The following APBB2 variants were observed in gnomAD, a reference collection of about 807,000 sequenced individuals.
The protein encoded by APBB2 is amyloid beta precursor protein binding family B member 2, also known as Fe65-like 1.
In APBB2, 38 loss-of-function variants were observed where a neutral mutation model predicts 82.5. That is an observed-to-expected ratio of 0.46 (90% confidence interval 0.36 to 0.60). APBB2 has a LOEUF of 0.60. APBB2 is among the 20% of genes least tolerant of loss of function. The probability of loss-of-function intolerance (pLI) is 0.00; values close to 1 mark genes in which losing one functional copy is unlikely to be tolerated. For missense variants in APBB2, 772 were observed against 972.3 expected (o/e 0.79, Z 2.74); for synonymous variants, 341 against 368.2 (o/e 0.93, Z 0.85).
intron 12 of APBB2, among the ~76,000 whole-genome samples, chr4:40,841,710 CCT>C (rs1755871004): frequency 6.6e-6 from 1 of 151,806 alleles, no homozygotes; most frequent in African/African-American, 2.4e-5. Context: ...ACAGAGTATC[CCT>C]CTGTCACCCT....
chr4:41,155,552 A>G (rs1461534567), intron 1 of APBB2, among the ~76,000 whole-genome samples: 2 of 152,204 alleles, frequency 1.3e-5, no homozygotes, highest in African/African-American at 4.8e-5. Context: ...CAATAAAATA[A>G]AGAAGGAAGG....
intron 14 of APBB2, 29 bp from the exon 15 acceptor site, chr4:40,825,999 C>T (rs765648986): frequency 1.3e-6 from 2 of 1,569,342 alleles, no homozygotes; most frequent in Non-Finnish European, 1.8e-6. Flanking sequence ...ACACATCTTT[C>T]TCAGTGGTTC....
intron 10 of APBB2, among the ~76,000 whole-genome samples, chr4:40,893,916 G>A (rs1364519130): frequency 6.6e-6 from 1 of 152,126 alleles, no homozygotes; most frequent in Non-Finnish European, 1.5e-5. Context: ...GGAGGTTGCA[G>A]TGAACCAAGT....
At chr4:40,923,850 G>T (rs1781946636) in intron 10 of APBB2, among the ~76,000 whole-genome samples, 1 of 152,240 alleles carries the variant, frequency 6.6e-6, no homozygotes, top group African/African-American at 2.4e-5. Flanking sequence ...CAAGTGTAGT[G>T]ACCAGAAGTT....
chr4:41,074,865 C>A (rs1024220806), intron 3 of APBB2, among the ~76,000 whole-genome samples: 1 of 152,056 alleles, frequency 6.6e-6, no homozygotes, highest in Non-Finnish European at 1.5e-5. Flanking sequence ...GAAATTAGAT[C>A]AGGCCCAGCA....
intron 2 of APBB2, among the ~76,000 whole-genome samples, chr4:41,108,873 T>C (rs942251420): frequency 6.6e-6 from 1 of 152,218 alleles, no homozygotes; most frequent in African/African-American, 2.4e-5. Context: ...CTTCCTCTTT[T>C]GCTTCTCTTC....
intron 12 of APBB2, among the ~76,000 whole-genome samples, chr4:40,869,677 G>A (rs1254753980): frequency 6.6e-6 from 1 of 151,740 alleles, no homozygotes; most frequent in Non-Finnish European, 1.5e-5. Flanking sequence ...TTTAGATTCT[G>A]AAGGCAGACA....
intron 6 of APBB2, among the ~76,000 whole-genome samples, chr4:40,962,573 C>T (rs755635405): frequency 5.3e-5 from 8 of 152,160 alleles, no homozygotes; most frequent in Non-Finnish European, 8.8e-5. Context: ...GCAAACATGT[C>T]CCATACGTCA....
At chr4:40,940,013 G>A (rs1467558928) in intron 7 of APBB2, among the ~76,000 whole-genome samples, 1 of 152,166 alleles carries the variant, frequency 6.6e-6, no homozygotes, top group African/African-American at 2.4e-5. Flanking sequence ...TCAACTAACA[G>A]CTTCCTTGGC....
At chr4:41,204,339 A>C (rs549511135) in intron 1 of APBB2, among the ~76,000 whole-genome samples, 1 of 152,314 alleles carries the variant, frequency 6.6e-6, no homozygotes, top group Admixed American at 6.5e-5. Context: ...GTAGAAACAG[A>C]AAGAGACCAG....
At chr4:40,821,749 G>A in intron 17 of APBB2, 122 bp downstream of exon 17, 1 of 1,155,440 alleles carries the variant, frequency 8.7e-7, no homozygotes, top group Non-Finnish European at 1.2e-6. Flanking sequence ...GCGTTATAAA[G>A]TAAAGCATTA....
intron 12 of APBB2, among the ~76,000 whole-genome samples, chr4:40,878,143 T>C (rs965570476): frequency 2.6e-5 from 4 of 150,978 alleles, no homozygotes; most frequent in Non-Finnish European, 5.9e-5. Flanking sequence ...GGCCAGGAGT[T>C]CAACACCAGC....
intron 3 of APBB2, among the ~76,000 whole-genome samples, chr4:41,086,419 A>C (rs1739689607): frequency 6.6e-6 from 1 of 152,190 alleles, no homozygotes; most frequent in Non-Finnish European, 1.5e-5. Flanking sequence ...TCATTAGCAG[A>C]AGACTACTAA....
At chr4:40,994,746 G>A (rs1299260025) in intron 6 of APBB2, among the ~76,000 whole-genome samples, 3 of 151,218 alleles carry the variant, frequency 2.0e-5, no homozygotes, top group Admixed American at 6.6e-5. Flanking sequence ...CCTGGGAGGC[G>A]GAGGTAGCAG....
At chr4:41,055,068 C>T (rs1727368683) in intron 4 of APBB2, among the ~76,000 whole-genome samples, 1 of 152,214 alleles carries the variant, frequency 6.6e-6, no homozygotes, top group African/African-American at 2.4e-5. Context: ...CAGGTCCCAC[C>T]ACACTTGCTA....
chr4:41,207,361 G>A (rs1048799302), intron 1 of APBB2, among the ~76,000 whole-genome samples: 4 of 152,136 alleles, frequency 2.6e-5, no homozygotes, highest in Admixed American at 2.0e-4. Flanking sequence ...TCACCCTGGA[G>A]GGAATGATAC....
intron 6 of APBB2, among the ~76,000 whole-genome samples, chr4:40,977,318 GT>G (rs60943146): frequency 0.018 from 2,658 of 145,308 alleles, 74 homozygotes; most frequent in African/African-American, 0.061. Flanking sequence ...CAATATAGTT[GT>G]TTTTTTTTTT....
chr4:41,047,957 A>C (rs1475442346), intron 4 of APBB2, among the ~76,000 whole-genome samples: 1 of 152,132 alleles, frequency 6.6e-6, no homozygotes, highest in Non-Finnish European at 1.5e-5. Flanking sequence ...ACATTCTCTA[A>C]ATCTCTTTTA....
chr4:40,855,097 C>T (rs965493161), intron 12 of APBB2, among the ~76,000 whole-genome samples: 6 of 152,148 alleles, frequency 3.9e-5, no homozygotes, highest in Non-Finnish European at 8.8e-5. Context: ...ACCTGAGGCC[C>T]CTCGTTGTTT....
Sources: allele counts gnomAD v4.1 joint callset (sites outside exome capture counted in the v4.1 genomes callset), GRCh38; gene constraint gnomAD v4.1.1; transcripts MANE v1.5; gene names NCBI Gene and HGNC (gene_info 2026-07-23, HGNC 2026-07-21).